The following INPP5D variants were observed in gnomAD, a reference collection of about 807,000 sequenced individuals.
INPP5D encodes inositol polyphosphate-5-phosphatase D.
Under a neutral mutation model 122.9 loss-of-function variants are expected in INPP5D, and 33 were observed. That is an observed-to-expected ratio of 0.27 (90% CI 0.20 to 0.36). The LOEUF (loss-of-function observed/expected upper bound fraction) is 0.36, where lower values mean the gene tolerates loss of function less well. Ranked by LOEUF, INPP5D falls within the 10% of genes least tolerant of loss-of-function variation. The pLI, the probability that INPP5D is intolerant of heterozygous loss-of-function variation, is 1.00. For synonymous variants in INPP5D, 584 were observed against 576.2 expected, an observed-to-expected ratio of 1.01 and a Z score of -0.19; for missense variants, 1,053 against 1,412.7, an observed-to-expected ratio of 0.75 and a Z score of 4.08.
chr2:233,139,267 A>C (rs1479877668), intron 5 of INPP5D, among the ~76,000 whole-genome samples: 1 of 152,224 alleles, frequency 6.6e-6, no homozygotes. Context: ...TGAGCTGGGA[A>C]CAAAGAGCGC....
At chr2:233,112,982 G>C (rs1692672628) in intron 2 of INPP5D, among the ~76,000 whole-genome samples, 1 of 152,074 alleles carries the variant, frequency 6.6e-6, no homozygotes, top group Non-Finnish European at 1.5e-5. Context: ...TATCTTAAAA[G>C]CCCGAGTTGG....
intron 24 of INPP5D, 32 bp downstream of exon 24, chr2:233,195,527 G>T (rs1044816611): frequency 8.1e-6 from 13 of 1,612,484 alleles, no homozygotes; most frequent in Middle Eastern, 1.6e-4. Flanking sequence ...TGTTGGGGGG[G>T]GTGGATATCA....
chr2:233,153,468 T>C (rs1032131733), intron 9 of INPP5D, among the ~76,000 whole-genome samples: 2 of 151,988 alleles, frequency 1.3e-5, no homozygotes, highest in African/African-American at 4.8e-5. Context: ...GCAACAATAT[T>C]CTGAAAGCCG....
rs766406973 is a variant in INPP5D, at chr2:233,184,445, T to C, written c.2199T>C (p.Phe733=). The change falls in exon 20 of 27, where the codon TTT becomes TTC. Residue 733 remains phenylalanine, a synonymous_variant. Transcript: ENST00000445964. ...GTVDSQGQIE[F]LRCYATLKTK... is the part of the protein sequence containing the mutation. ...TTGACAGCCAAGGACAGATTGAGTT[T>C]CTCAGGTGCTATGCCACATTGAAGA... The C allele has an allele frequency of 1.2e-6, 2 of 1,613,922 alleles. No homozygotes were observed. The highest frequency in any genetic ancestry group is 1.1e-5 in the South Asian group (1 of 91,090).
Position 233,206,401 on chromosome 2 carries a change from C to T in INPP5D, c.3568-305C>T, listed in dbSNP as rs1399518308. On this transcript the variant is annotated intron_variant, in intron 26 of 26. Transcript: ENST00000445964. This position sits in a 1 kb window ranked among gnomAD's most constrained non-coding sequence, Gnocchi z 4.0. ...ACGTACCTGGGTGTGGTGCCATGCA[C>T]CTGTAGTCCCAGCTACTGGGGAGGC... Among the ~76,000 whole-genome samples the T allele has an allele frequency of 6.6e-6, 1 of 151,886 alleles. No individual in the cohort carries two copies. The highest frequency in any genetic ancestry group is 1.5e-5 in the Non-Finnish European group (1 of 68,002).
chr2:233,090,143 A>G (rs1187068369), intron 2 of INPP5D, among the ~76,000 whole-genome samples: 7 of 152,230 alleles, frequency 4.6e-5, no homozygotes, highest in African/African-American at 1.7e-4. Context: ...CATCCCCTGA[A>G]TGAAAGGCCC....
intron 2 of INPP5D, among the ~76,000 whole-genome samples, chr2:233,083,902 C>T (rs1171177503): frequency 1.3e-5 from 2 of 152,200 alleles, no homozygotes; most frequent in Non-Finnish European, 2.9e-5. Context: ...TCCTTCCCAC[C>T]GAGAGGAATA....
chr2:233,062,274 G>T (rs1167137968), intron 1 of INPP5D, among the ~76,000 whole-genome samples: 4 of 152,220 alleles, frequency 2.6e-5, no homozygotes, highest in Admixed American at 1.3e-4. Context: ...ACCAGGGCTT[G>T]CTTTGTGGTT....
Position 233,082,571 on chromosome 2 carries a change from G to A in INPP5D, c.198+3173G>A, listed in dbSNP as rs979209072. On this transcript the variant is annotated intron_variant, in intron 2 of 26. Transcript: ENST00000445964. This position sits in a 1 kb window ranked among gnomAD's most constrained non-coding sequence, Gnocchi z 4.7. ...TTAGTAACTTTAGCTCTTTTCCTGG[G>A]GACTTCTGTTCTCTTGTCAACACCA... is the stretch of plus-strand genomic sequence containing the variant. Among the ~76,000 whole-genome samples the A allele has an allele frequency of 5.3e-5, 8 of 152,066 alleles. No individual in the cohort carries two copies. Among genetic ancestry groups the A allele is most frequent in the African/African-American group, 1.7e-4 (7 of 41,406 alleles).
intron 9 of INPP5D, among the ~76,000 whole-genome samples, chr2:233,155,113 A>G (rs1376713919): frequency 6.6e-6 from 1 of 152,142 alleles, no homozygotes; most frequent in Non-Finnish European, 1.5e-5. Context: ...GAATAAAATG[A>G]AAGTGAAAAA....
At chr2:233,166,175 C>T (rs556061215) in intron 13 of INPP5D, among the ~76,000 whole-genome samples, 173 of 152,270 alleles carry the variant, frequency 1.1e-3, no homozygotes, top group African/African-American at 3.9e-3. Flanking sequence ...GCAACCGCCC[C>T]GGGTGTGGAT....
chr2:233,121,097 ATTTCTTTC>A (rs139862941), intron 2 of INPP5D, among the ~76,000 whole-genome samples: 90 of 134,204 alleles, frequency 6.7e-4, no homozygotes, highest in African/African-American at 1.3e-3. Context: ...ATTACAGGTG[ATTTCTTTC>A]TTTCTTTCTT....
chr2:233,184,656 G>A lies in INPP5D; in HGVS notation c.2275+135G>A, dbSNP rs1427794603. 2.3e-6 allele frequency: 3 copies of A among 1,296,642 alleles called. No homozygotes were observed. In the East Asian group the frequency reaches 7.5e-5, roughly 33 times the overall value. The allele number at this position is 1,296,642 out of a possible 1,614,324, so 80.3% of individuals were successfully genotyped here. ...CGAAGCTGATCAGAGAAGTGGGGCT[G>A]CAGGTGGATGACTCAAGGGGACACT... On this transcript the variant is annotated intron_variant, in intron 20 of 26. Coordinates refer to ENST00000445964, the MANE Select transcript of INPP5D (RefSeq NM_001017915.3).
At chr2:233,084,300 C>T (rs2106214703) in intron 2 of INPP5D, among the ~76,000 whole-genome samples, 1 of 152,364 alleles carries the variant, frequency 6.6e-6, no homozygotes, top group Middle Eastern at 3.4e-3. Flanking sequence ...AGTGATCCAC[C>T]CGCCTCAGCC....
chr2:233,127,260 G>A (rs1693189782), intron 4 of INPP5D, among the ~76,000 whole-genome samples: 1 of 152,246 alleles, frequency 6.6e-6, no homozygotes, highest in South Asian at 2.1e-4. Flanking sequence ...TGCTTATCAT[G>A]TCAGTGGAAC....
At chr2:233,075,829 G>A (rs1311359369) in intron 1 of INPP5D, among the ~76,000 whole-genome samples, 2 of 152,142 alleles carry the variant, frequency 1.3e-5, no homozygotes, top group Admixed American at 6.5e-5. Context: ...AGCCCTGGGG[G>A]TCAGAATGTC....
At chr2:233,180,999 C>T (rs185560051) in intron 18 of INPP5D, among the ~76,000 whole-genome samples, 213 of 152,290 alleles carry the variant, frequency 1.4e-3, no homozygotes, top group Non-Finnish European at 2.7e-3. Context: ...AGGCTGATGC[C>T]CTCGCATCTT....
At chr2:233,138,924 T>A (rs1037780247) in intron 5 of INPP5D, among the ~76,000 whole-genome samples, 1 of 151,464 alleles carries the variant, frequency 6.6e-6, no homozygotes, top group Non-Finnish European at 1.5e-5. Flanking sequence ...TTTTTTTTTT[T>A]TTGTATTTTT....
At chr2:233,087,675 A>G (rs1402619125) in intron 2 of INPP5D, among the ~76,000 whole-genome samples, 1 of 152,190 alleles carries the variant, frequency 6.6e-6, no homozygotes, top group African/African-American at 2.4e-5. Flanking sequence ...TATCATCTAT[A>G]CTAGAACTAT....
Sources: allele counts gnomAD v4.1 joint callset (sites outside exome capture counted in the v4.1 genomes callset), GRCh38; gene constraint gnomAD v4.1.1; non-coding constraint Gnocchi (gnomAD v3.1); transcripts MANE v1.5; gene names NCBI Gene and HGNC (gene_info 2026-07-23, HGNC 2026-07-21).